GALNTL6: variants seen among roughly 807,000 people sequenced by gnomAD.
GALNTL6 encodes polypeptide N-acetylgalactosaminyltransferase like 6, also known as polypeptide N-acetylgalactosaminyltransferase-like 6.
GALNTL6 carries 46 observed loss-of-function variants against 73.7 expected under a neutral mutation model. That is an observed-to-expected ratio of 0.62 (90% CI 0.49 to 0.80). The LOEUF (loss-of-function observed/expected upper bound fraction) is 0.80, where lower values mean the gene tolerates loss of function less well. Ranked by LOEUF, GALNTL6 falls within the 30% of genes least tolerant of loss-of-function variation. The pLI is 0.00. For synonymous variants in GALNTL6, 259 were observed against 263.7 expected (o/e 0.98, Z 0.17); for missense variants, 604 against 755.0 (o/e 0.80, Z 2.34).
At chr4:172,278,920 A>C (rs1401099778) in intron 3 of GALNTL6, among the ~76,000 whole-genome samples, 1 of 152,152 alleles carries the variant, frequency 6.6e-6, no homozygotes, top group African/African-American at 2.4e-5. Context: ...TATCACATAT[A>C]TGGCCAAATG....
chr4:171,918,120 T>A (rs527325672), intron 2 of GALNTL6, among the ~76,000 whole-genome samples: 40 of 152,258 alleles, frequency 2.6e-4, no homozygotes, highest in African/African-American at 9.4e-4. Context: ...TTTGTTGTGC[T>A]GATTTCATAG....
chr4:172,194,467 T>A (rs1362053248), intron 2 of GALNTL6, among the ~76,000 whole-genome samples: 1 of 152,134 alleles, frequency 6.6e-6, no homozygotes, highest in African/African-American at 2.4e-5. Context: ...AGTAGGATAA[T>A]CCATAAGAAG....
chr4:172,717,139 A>G (rs1426376312), intron 5 of GALNTL6, among the ~76,000 whole-genome samples: 1 of 152,164 alleles, frequency 6.6e-6, no homozygotes, highest in Non-Finnish European at 1.5e-5. Context: ...ATTCAGTGTC[A>G]TTTAATTTTC....
At chr4:172,439,475 T>G (rs970560192) in intron 5 of GALNTL6, among the ~76,000 whole-genome samples, 8 of 46,406 alleles carry the variant, frequency 1.7e-4, no homozygotes, top group Non-Finnish European at 4.0e-4. Context: ...TGTCTTACTC[T>G]TCTTTGCTGG....
intron 5 of GALNTL6, among the ~76,000 whole-genome samples, chr4:172,587,426 T>C (rs529256706): frequency 1.1e-3 from 160 of 152,330 alleles, no homozygotes; most frequent in African/African-American, 3.6e-3. Context: ...TTGTTCAACA[T>C]GAACCCGATC....
At chr4:172,696,798 C>T (rs1195398299) in intron 5 of GALNTL6, among the ~76,000 whole-genome samples, 2 of 152,054 alleles carry the variant, frequency 1.3e-5, no homozygotes, top group South Asian at 2.1e-4. Context: ...TGAGAACAGA[C>T]TAATACACAG....
At chr4:172,817,364 G>A (rs1560972634) in intron 7 of GALNTL6, among the ~76,000 whole-genome samples, 1 of 151,994 alleles carries the variant, frequency 6.6e-6, no homozygotes, top group Non-Finnish European at 1.5e-5. Context: ...CTAAGAAGTT[G>A]AGGTTTCAGT....
At chr4:172,318,651 AAGATCGCAC>A (rs372470344) in intron 4 of GALNTL6, among the ~76,000 whole-genome samples, 5 of 152,206 alleles carry the variant, frequency 3.3e-5, no homozygotes, top group African/African-American at 1.2e-4. Flanking sequence ...GCAGTGAGCC[AAGATCGCAC>A]CATTGCACTC....
At chr4:171,877,373 G>T (rs927399964) in intron 2 of GALNTL6, among the ~76,000 whole-genome samples, 1 of 151,994 alleles carries the variant, frequency 6.6e-6, no homozygotes, top group African/African-American at 2.4e-5. Context: ...ATTGACTCTG[G>T]ATATCAGAAC....
At chr4:171,987,171 G>C (rs969550094) in intron 2 of GALNTL6, among the ~76,000 whole-genome samples, 7 of 152,204 alleles carry the variant, frequency 4.6e-5, no homozygotes, top group Admixed American at 2.0e-4. Flanking sequence ...TCTGAGAAGG[G>C]AAAGTGGTAA....
chr4:172,399,508 G>C (rs1048201200), intron 5 of GALNTL6, among the ~76,000 whole-genome samples: 1 of 151,858 alleles, frequency 6.6e-6, no homozygotes, highest in African/African-American at 2.4e-5. Flanking sequence ...TAGCCACTGA[G>C]TAGTATAGAT....
intron 2 of GALNTL6, among the ~76,000 whole-genome samples, chr4:171,914,475 G>C (rs930323726): frequency 6.9e-6 from 1 of 145,936 alleles, no homozygotes; most frequent in African/African-American, 2.5e-5. Context: ...CTGTCGCCCA[G>C]GCTGGAGTGC....
At chr4:172,684,014 G>A (rs1425014665) in intron 5 of GALNTL6, among the ~76,000 whole-genome samples, 1 of 152,102 alleles carries the variant, frequency 6.6e-6, no homozygotes. Flanking sequence ...CCAGCTTTGC[G>A]AATTATCTAA....
intron 5 of GALNTL6, among the ~76,000 whole-genome samples, chr4:172,461,375 T>G (rs766153458): frequency 5.9e-5 from 9 of 151,734 alleles, no homozygotes; most frequent in Non-Finnish European, 8.8e-5. Flanking sequence ...AAATAAAAGA[T>G]TTTTTTTCTC....
chr4:171,995,735 A>G (rs114957312), intron 2 of GALNTL6, among the ~76,000 whole-genome samples: 2,053 of 152,094 alleles, frequency 0.013, 50 homozygotes, highest in African/African-American at 0.047. Context: ...ATAACCTTAA[A>G]TTACTTTTAT....
chr4:172,569,722 G>A (rs573224293), intron 5 of GALNTL6, among the ~76,000 whole-genome samples: 4 of 152,230 alleles, frequency 2.6e-5, no homozygotes, highest in Non-Finnish European at 5.9e-5. Flanking sequence ...GTGTGAGCAT[G>A]TTAGATATGG....
intron 7 of GALNTL6, among the ~76,000 whole-genome samples, chr4:172,821,113 G>A (rs572368992): frequency 9.9e-5 from 15 of 152,250 alleles, no homozygotes; most frequent in South Asian, 4.1e-4. Flanking sequence ...GCACTTCACC[G>A]TATGTAAAGC....
intron 5 of GALNTL6, among the ~76,000 whole-genome samples, chr4:172,510,118 C>G (rs1239733700): frequency 3.7e-5 from 2 of 54,734 alleles, no homozygotes; most frequent in Non-Finnish European, 8.4e-5. Flanking sequence ...TGATTTCTTT[C>G]AGCAGTGTTT....
At chr4:171,918,346 A>C (rs1471546223) in intron 2 of GALNTL6, among the ~76,000 whole-genome samples, 1 of 152,122 alleles carries the variant, frequency 6.6e-6, no homozygotes, top group Non-Finnish European at 1.5e-5. Flanking sequence ...AATGAATCAA[A>C]TTTATAAGCA....
Sources: gnomAD v4.1 joint callset for allele counts (sites outside exome capture counted in the v4.1 genomes callset) on GRCh38, gnomAD v4.1.1 for gene constraint, MANE v1.5 for transcripts, NCBI Gene and HGNC (gene_info 2026-07-23, HGNC 2026-07-21) for gene names.